NEO1: variants seen among roughly 807,000 people sequenced by gnomAD.
NEO1 encodes neogenin.
Under a neutral mutation model 159.7 loss-of-function variants are expected in NEO1, and 63 were observed. The ratio of observed to expected loss-of-function variants is 0.39; its 90% CI spans 0.32 to 0.49. The LOEUF (loss-of-function observed/expected upper bound fraction) is 0.49, where lower values mean the gene tolerates loss of function less well. Among genes scored for constraint, NEO1 ranks in the 20% least tolerant of loss-of-function variants. The probability of loss-of-function intolerance (pLI) is 0.85; values close to 1 mark genes in which losing one functional copy is unlikely to be tolerated. For missense variants in NEO1, 1,615 were observed against 1,831.0 expected, an observed-to-expected ratio of 0.88 and a Z score of 2.15; for synonymous variants, 633 against 662.0, an observed-to-expected ratio of 0.96 and a Z score of 0.67.
rs1166672085 is a variant in NEO1, at chr15:73,304,179, G to A, written c.*1483G>A. 1 of 152,060 alleles carries A rather than the reference G, an allele frequency of 6.6e-6. No homozygotes were observed. Among genetic ancestry groups the A allele is most frequent in the Non-Finnish European group, 1.5e-5 (1 of 68,036 alleles). The allele number at this position is 152,060 out of a possible 1,614,324, so 9.4% of individuals were successfully genotyped here. A position where few individuals can be genotyped will look rare whatever the true frequency, so the allele number is the denominator to read the frequency against. ...TGAAGCCACAGGAGTTGTCTGAGGT[G>A]AACCCAGCCGCTCAGCCACACATGG... On this transcript the variant is annotated 3_prime_UTR_variant, in exon 29 of 29. Transcript: ENST00000261908.
Position 73,270,177 on chromosome 15 carries a change from T to A in NEO1, c.2662T>A (p.Ser888Thr). Residue 888 changes from serine (S) to threonine (T), a missense_variant, in exon 17 of 29, where the codon TCC becomes ACC. Transcript: ENST00000261908. ...SLPKHQKITD[S>T]RYYTVRWKTN... ...GCCCAAGCACCAGAAGATTACAGAC[T>A]CCCGATACTACACCGTCCGATGGAA... 1 of 1,613,650 alleles carries A rather than the reference T, an allele frequency of 6.2e-7. No individual in the cohort carries two copies.
chr15:73,255,027 G>A (rs2040271878), intron 13 of NEO1, among the ~76,000 whole-genome samples, 198 bp downstream of exon 13: 3 of 152,216 alleles, frequency 2.0e-5, no homozygotes, highest in Admixed American at 1.3e-4. Flanking sequence ...CTATTTCTGA[G>A]TGGTGAGATC....
chr15:73,239,736 A>G (rs929302301), intron 8 of NEO1, among the ~76,000 whole-genome samples: 1 of 152,212 alleles, frequency 6.6e-6, no homozygotes, highest in Non-Finnish European at 1.5e-5. Flanking sequence ...GCATAAGTGC[A>G]TTCTGTGATG....
intron 5 of NEO1, among the ~76,000 whole-genome samples, chr15:73,153,246 C>A (rs886353473): frequency 6.6e-6 from 1 of 152,204 alleles, no homozygotes; most frequent in Non-Finnish European, 1.5e-5. Context: ...ATGCTTTTCT[C>A]TTCTGGAAAC....
chr15:73,091,083 C>T (rs763427801), intron 1 of NEO1, among the ~76,000 whole-genome samples: 3 of 152,204 alleles, frequency 2.0e-5, no homozygotes, highest in Admixed American at 6.5e-5. Context: ...CTTGAACCCA[C>T]GCTCTTATCC....
At chr15:73,294,609 G>A (rs1349504612) in intron 26 of NEO1, among the ~76,000 whole-genome samples, 2 of 151,942 alleles carry the variant, frequency 1.3e-5, no homozygotes, top group Admixed American at 6.6e-5. Flanking sequence ...GTGCGATCTC[G>A]GCTCACTGTA....
At chr15:73,097,336 A>G (rs922105270) in intron 1 of NEO1, among the ~76,000 whole-genome samples, 2 of 145,984 alleles carry the variant, frequency 1.4e-5, no homozygotes, top group Non-Finnish European at 3.0e-5. Context: ...AAGTCCTCTC[A>G]TATTTGGCCA....
intron 7 of NEO1, among the ~76,000 whole-genome samples, chr15:73,220,902 G>A (rs942680025): frequency 1.1e-4 from 17 of 151,960 alleles, no homozygotes; most frequent in South Asian, 8.3e-4. Flanking sequence ...TAGTTTGATC[G>A]TCTGAAGCCT....
At chr15:73,275,943 G>A (rs1043092013) in intron 21 of NEO1, among the ~76,000 whole-genome samples, 4 of 152,196 alleles carry the variant, frequency 2.6e-5, no homozygotes, top group African/African-American at 9.6e-5. Flanking sequence ...TAATGGCAAG[G>A]AAGAGTCAGA....
chr15:73,167,247 A>C (rs537960871), intron 5 of NEO1, among the ~76,000 whole-genome samples: 139 of 151,890 alleles, frequency 9.2e-4, no homozygotes, highest in Middle Eastern at 3.4e-3. Context: ...CACGTTGTGC[A>C]CATGTACCCT....
intron 7 of NEO1, among the ~76,000 whole-genome samples, chr15:73,179,632 C>G (rs2151963399): frequency 6.6e-6 from 1 of 152,044 alleles, no homozygotes; most frequent in South Asian, 2.1e-4. Context: ...TGCCAGCTGG[C>G]AAAGGAAAAG....
At chr15:73,233,067 A>T (rs2038994540) in intron 7 of NEO1, among the ~76,000 whole-genome samples, 1 of 152,146 alleles carries the variant, frequency 6.6e-6, no homozygotes, top group African/African-American at 2.4e-5. Flanking sequence ...TCAAACCATC[A>T]TGCCAGGAGT....
At chr15:73,218,179 G>A (rs1451777737) in intron 7 of NEO1, among the ~76,000 whole-genome samples, 3 of 152,148 alleles carry the variant, frequency 2.0e-5, no homozygotes, top group East Asian at 3.9e-4. Flanking sequence ...ATCTGTTGAG[G>A]TAATCATGTG....
In NEO1 at chr15:73,122,806, A is replaced by G; in HGVS notation, c.724+6A>G. The G allele has an allele frequency of 1.2e-6, 2 of 1,613,862 alleles. No homozygotes were observed. The highest frequency in any genetic ancestry group is 1.7e-6 in the Non-Finnish European group (2 of 1,179,740). On this transcript the variant is annotated splice_donor_region_variant and intron_variant, in intron 3 of 28. Transcript: ENST00000261908. ...TGAATTGAAGGTTCTTCCAGGTATT[A>G]ACTCATTATCAGGACTGATGGTTTT...
At chr15:73,279,167 G>C (rs2041557084) in intron 22 of NEO1, among the ~76,000 whole-genome samples, 1 of 152,040 alleles carries the variant, frequency 6.6e-6, no homozygotes, top group African/African-American at 2.4e-5. Flanking sequence ...CATCCTTCCA[G>C]AAATAATTGT....
At chr15:73,218,500 G>C (rs1228703691) in intron 7 of NEO1, among the ~76,000 whole-genome samples, 1 of 152,094 alleles carries the variant, frequency 6.6e-6, no homozygotes, top group Non-Finnish European at 1.5e-5. Flanking sequence ...CAGAAGGAAT[G>C]GTACCAGTTC....
At chr15:73,156,485 G>T (rs2033787274) in intron 5 of NEO1, among the ~76,000 whole-genome samples, 1 of 152,188 alleles carries the variant, frequency 6.6e-6, no homozygotes, top group African/African-American at 2.4e-5. Flanking sequence ...GACCATGCAG[G>T]TGAGCAGACT....
intron 1 of NEO1, among the ~76,000 whole-genome samples, chr15:73,109,533 CTT>C (rs2070860807): frequency 1.3e-5 from 2 of 151,594 alleles, no homozygotes; most frequent in East Asian, 1.9e-4. Context: ...GGAAAGCACT[CTT>C]ATAAATTTTT....
At chr15:73,103,553 A>T (rs2070518356) in intron 1 of NEO1, among the ~76,000 whole-genome samples, 1 of 152,160 alleles carries the variant, frequency 6.6e-6, no homozygotes. Flanking sequence ...CTTTGTACAT[A>T]TCCTGTCATG....
Sources: gnomAD v4.1 joint callset for allele counts (sites outside exome capture counted in the v4.1 genomes callset) on GRCh38, gnomAD v4.1.1 for gene constraint, MANE v1.5 for transcripts, NCBI Gene and HGNC (gene_info 2026-07-23, HGNC 2026-07-21) for gene names.